ATG4C: variants seen among roughly 807,000 people sequenced by gnomAD.
The protein encoded by ATG4C is autophagy related 4C cysteine peptidase.
A neutral mutation model predicts 57.6 loss-of-function variants in ATG4C; 56 were observed. The observed-to-expected ratio is 0.97, with a 90% CI of 0.78 to 1.21. ATG4C has a LOEUF of 1.21. ATG4C is among the 50% of genes most tolerant of loss of function. The pLI is 0.00. For missense variants in ATG4C, 595 were observed against 529.8 expected (o/e 1.12, Z -1.21); for synonymous variants, 157 against 174.1 (o/e 0.90, Z 0.78).
chr1:62,840,296 T>C (rs927776708), intron 9 of ATG4C, among the ~76,000 whole-genome samples: 1 of 152,160 alleles, frequency 6.6e-6, no homozygotes, highest in Non-Finnish European at 1.5e-5. Context: ...GCTGGGATTG[T>C]ACATGGGAGC....
intron 10 of ATG4C, among the ~76,000 whole-genome samples, chr1:62,848,659 A>G (rs1666400087): frequency 6.6e-6 from 1 of 152,206 alleles, no homozygotes; most frequent in Non-Finnish European, 1.5e-5. Context: ...TTGAGTGTGC[A>G]CTTCTTGCTT....
rs1027346073 is a variant in ATG4C, at chr1:62,842,698, C to T, written c.1209+1151C>T. ...TTTCATATAAGCTAGATTTAGTTTA[C>T]TTGACCTGCCATATGAAAGAGGAAA... On this transcript the variant is annotated intron_variant, in intron 10 of 10. Coordinates refer to ENST00000317868, the MANE Select transcript of ATG4C (RefSeq NM_032852.4). Among the ~76,000 whole-genome samples the T allele has an allele frequency of 4.6e-5, 7 of 152,132 alleles. No individual in the cohort carries two copies. The East Asian group carries it at 1.4e-3, about 29-fold the overall frequency.
intron 10 of ATG4C, among the ~76,000 whole-genome samples, chr1:62,842,155 T>C (rs1666188785): frequency 6.6e-6 from 1 of 152,178 alleles, no homozygotes; most frequent in South Asian, 2.1e-4. Context: ...TTATGGAACC[T>C]TAATATCTGT....
In ATG4C at chr1:62,816,575, A is replaced by G; in HGVS notation, c.161A>G (p.Asp54Gly). The part of the protein sequence containing the change: ...LGKCYHFKYE[D>G]EDKTLPAESG... ...TTTAGACCGTATGTTTATTTTTTAG[A>G]TGAAGATAAAACGTTACCTGCAGAG... is the stretch of plus-strand genomic sequence containing the variant. Residue 54 changes from aspartate (D) to glycine (G), a missense_variant and splice_region_variant, in exon 4 of 11, where the codon GAT (aspartate) becomes GGT (glycine). Asp to Gly is a moderately conservative substitution (Grantham distance 94). Coordinates refer to ENST00000317868, the MANE Select transcript of ATG4C (RefSeq NM_032852.4). The G allele has an allele frequency of 6.3e-7, 1 of 1,594,886 alleles. No homozygotes were observed. The highest frequency in any genetic ancestry group is 8.5e-7 in the Non-Finnish European group (1 of 1,169,932).
At chr1:62,863,124 T>A (rs1220895976) in intron 10 of ATG4C, among the ~76,000 whole-genome samples, 2 of 151,986 alleles carry the variant, frequency 1.3e-5, no homozygotes, top group Non-Finnish European at 2.9e-5. Flanking sequence ...ATATTTAAAA[T>A]TGTTTATATT....
At chr1:62,805,991 C>A (rs902722691) in intron 3 of ATG4C, among the ~76,000 whole-genome samples, 6 of 152,122 alleles carry the variant, frequency 3.9e-5, no homozygotes, top group African/African-American at 1.4e-4. Context: ...ATGTTGTTAT[C>A]ATGGCTTTTC....
At chr1:62,797,383 A>G (rs1475505216) in intron 1 of ATG4C, among the ~76,000 whole-genome samples, 1 of 152,170 alleles carries the variant, frequency 6.6e-6, no homozygotes, top group Non-Finnish European at 1.5e-5. Flanking sequence ...ATTCTCTTCC[A>G]TCAAAGAGTT....
At chr1:62,788,574 C>T (rs1041897205) in intron 1 of ATG4C, among the ~76,000 whole-genome samples, 2 of 152,094 alleles carry the variant, frequency 1.3e-5, no homozygotes, top group Non-Finnish European at 2.9e-5. Flanking sequence ...AACTATAATG[C>T]CATTAGCATA....
chr1:62,800,796 A>G (rs1298286495), intron 1 of ATG4C, among the ~76,000 whole-genome samples: 1 of 152,218 alleles, frequency 6.6e-6, no homozygotes, highest in Non-Finnish European at 1.5e-5. Context: ...GAATTTAAGA[A>G]CAGTCAGTTA....
intron 6 of ATG4C, among the ~76,000 whole-genome samples, chr1:62,826,580 A>G (rs1029967188): frequency 1.1e-4 from 16 of 147,808 alleles, no homozygotes; most frequent in African/African-American, 3.5e-4. Context: ...TCAAACCACC[A>G]TCATCTCTTT....
At chr1:62,841,081 A>C (rs555619876) in intron 9 of ATG4C, among the ~76,000 whole-genome samples, 1 of 152,352 alleles carries the variant, frequency 6.6e-6, no homozygotes, top group Admixed American at 6.5e-5. Flanking sequence ...GCATTTTAAT[A>C]GAAATGGCTA....
intron 6 of ATG4C, among the ~76,000 whole-genome samples, chr1:62,824,581 G>C (rs909412142): frequency 1.3e-5 from 2 of 151,628 alleles, no homozygotes; most frequent in African/African-American, 2.4e-5. Context: ...GCTTCTACCA[G>C]ATCCTCCTAT....
At chr1:62,811,903 A>T (rs1394210935) in intron 3 of ATG4C, among the ~76,000 whole-genome samples, 1 of 152,180 alleles carries the variant, frequency 6.6e-6, no homozygotes, top group Non-Finnish European at 1.5e-5. Context: ...TATAACAATG[A>T]TGAGAAAAAA....
intron 4 of ATG4C, among the ~76,000 whole-genome samples, chr1:62,817,357 T>A (rs1211765170): frequency 2.0e-5 from 3 of 152,198 alleles, no homozygotes; most frequent in African/African-American, 4.8e-5. Flanking sequence ...ATTAAAAACT[T>A]TTTTTAGCAA....
At chr1:62,800,720 T>C (rs1664630135) in intron 1 of ATG4C, among the ~76,000 whole-genome samples, 1 of 152,254 alleles carries the variant, frequency 6.6e-6, no homozygotes, top group South Asian at 2.1e-4. Flanking sequence ...GTGATATACC[T>C]ATATTTCATA....
intron 9 of ATG4C, 97 bp downstream of exon 9, chr1:62,834,949 A>G (rs1665953248): frequency 5.3e-6 from 5 of 936,120 alleles, no homozygotes; most frequent in Non-Finnish European, 8.2e-6. Context: ...CGGTATTATA[A>G]CTACTGGTTA....
At chr1:62,794,814 A>G (rs1207517298) in intron 1 of ATG4C, among the ~76,000 whole-genome samples, 2 of 152,028 alleles carry the variant, frequency 1.3e-5, no homozygotes, top group Non-Finnish European at 2.9e-5. Context: ...AAATGGACAC[A>G]ATAATTGATG....
At chr1:62,834,736 G>A (rs929091003) in intron 8 of ATG4C, 40 bp from the exon 9 acceptor site, 1 of 1,499,030 alleles carries the variant, frequency 6.7e-7, no homozygotes, top group Admixed American at 1.7e-5. Context: ...TAATAATAAG[G>A]TGTTTTTTGA....
chr1:62,819,059 C>A lies in ATG4C; in HGVS notation c.449C>A (p.Thr150Asn), dbSNP rs913396215. 1.9e-6 allele frequency: 3 copies of A among 1,602,192 alleles called. No homozygotes were observed. The East Asian group carries it at 6.7e-5, about 36-fold the overall frequency. The change falls in exon 5 of 11, where the codon ACT becomes AAT. Residue 150 changes from threonine (T) to asparagine (N), a missense_variant. Thr to Asn is a moderately conservative substitution (Grantham distance 65). Transcript: ENST00000317868. ...GAAAATTCAGACTCTGAATCATGGA[C>A]TTCCCACACTGTCAAAAAATTTACT... is the stretch of plus-strand genomic sequence containing the variant. ...NIENSDSESW[T>N]SHTVKKFTAS... is the part of the protein sequence containing the mutation.
Sources: allele counts gnomAD v4.1 joint callset (sites outside exome capture counted in the v4.1 genomes callset), GRCh38; gene constraint gnomAD v4.1.1; transcripts MANE v1.5; gene names NCBI Gene and HGNC (gene_info 2026-07-23, HGNC 2026-07-21).